Variants in AKR1C1 observed in about 807,000 individuals in gnomAD.
AKR1C1 encodes aldo-keto reductase family 1 member C1.
In AKR1C1, 32 loss-of-function variants were observed where a neutral mutation model predicts 40.6. The observed-to-expected ratio is 0.79, with a 90% CI of 0.60 to 1.06. AKR1C1 has a LOEUF of 1.06. Among genes scored for constraint, AKR1C1 ranks in the 50% least tolerant of loss-of-function variants. The probability of loss-of-function intolerance (pLI) is 0.00; values close to 1 mark genes in which losing one functional copy is unlikely to be tolerated. For synonymous variants in AKR1C1, 105 were observed against 134.2 expected, an observed-to-expected ratio of 0.78 and a Z score of 1.50; for missense variants, 320 against 363.5, an observed-to-expected ratio of 0.88 and a Z score of 0.97.
rs140966911 is a variant in AKR1C1, at chr10:4,966,996, T to C, written c.322T>C (p.Leu108=). ...ALERSLKNLQ[L]DYVDLYLIHF... is the part of the protein sequence containing the mutation. ...GGAAAGGTCACTGAAAAATCTTCAA[T>C]TGGATTATGTTGACCTCTACCTTAT... Residue 108 remains leucine (L), a synonymous_variant, in exon 3 of 9, where the codon TTG becomes CTG. Transcript: ENST00000380872. 2,906 of 1,613,908 alleles carry C rather than the reference T, an allele frequency of 1.8e-3. 24 individuals carry two copies. The African/African-American group carries it at 0.019, about 10-fold the overall frequency.
rs782661703 is a variant in AKR1C1 at position 4,981,099 on chromosome 10, C to G, written c.*3357C>G. On this transcript the variant is annotated 3_prime_UTR_variant, in exon 9 of 9. Coordinates refer to ENST00000380872, the MANE Select transcript of AKR1C1 (RefSeq NM_001353.6). ...TTAGGTACCTTGTCGATAGGCAGTTCTAATTTCAAAGAACTTTTTCTTTTG... is the reference window on the plus strand; with the variant it reads ...TTAGGTACCTTGTCGATAGGCAGTTGTAATTTCAAAGAACTTTTTCTTTTG... 3 of 152,088 alleles carry G rather than the reference C, an allele frequency of 2.0e-5. No homozygotes were observed. Among genetic ancestry groups the G allele is most frequent in the Admixed American group, 1.3e-4 (2 of 15,276 alleles). 9.4% of individuals were successfully genotyped at this position (152,088 alleles called of 1,614,324 possible).
chr10:4,973,655 G>T (rs1182324384), intron 7 of AKR1C1, among the ~76,000 whole-genome samples: 1 of 152,132 alleles, frequency 6.6e-6, no homozygotes, highest in Non-Finnish European at 1.5e-5. Flanking sequence ...ACCTCTTGTT[G>T]GAAGGAGCTG....
In AKR1C1 at chr10:4,966,136, G is replaced by T. The variant is rs556156942; in HGVS notation, c.252+55G>T. The T allele has an allele frequency of 2.4e-5, 38 of 1,569,500 alleles. No homozygotes were observed. The South Asian group carries it at 4.4e-4, about 18-fold the overall frequency. Reference sequence around the variant, plus strand: ...CATGTATTTATTGTGATTGTGTGGAGGTGGCAGTTCTATGACTGGATCCAT... The same window carrying T: ...CATGTATTTATTGTGATTGTGTGGATGTGGCAGTTCTATGACTGGATCCAT... On this transcript the variant is annotated intron_variant, in intron 2 of 8. Transcript: ENST00000380872.
chr10:4,981,428 A>G lies in AKR1C1; in HGVS notation c.*3686A>G, dbSNP rs1338352187. 1.3e-5 allele frequency: 2 copies of G among 152,230 alleles called. No individual in the cohort carries two copies. The highest frequency in any genetic ancestry group is 4.8e-5 in the African/African-American group (2 of 41,460). The allele number at this position is 152,230 out of a possible 1,614,324, so 9.4% of individuals were successfully genotyped here. On this transcript the variant is annotated 3_prime_UTR_variant, in exon 9 of 9. Coordinates refer to ENST00000380872, the MANE Select transcript of AKR1C1 (RefSeq NM_001353.6). Reference sequence around the variant, plus strand: ...CAGCAAAAGGTAACAGATGTCAACTATGAGATCTCATCAAGAACTAAGAAA... The same window carrying G: ...CAGCAAAAGGTAACAGATGTCAACTGTGAGATCTCATCAAGAACTAAGAAA...
At chr10:4,969,644 C>A (rs1836392577) in intron 5 of AKR1C1, 1 of 1,605,882 alleles carries the variant, frequency 6.2e-7, no homozygotes, top group African/African-American at 1.3e-5. Flanking sequence ...GCTGCTTAAA[C>A]ACATCTATTC....
chr10:4,969,866 A>AT, intron 5 of AKR1C1: 1 of 780,386 alleles, frequency 1.3e-6, no homozygotes, highest in Admixed American at 2.7e-5. Context: ...TACAGTGGAA[A>AT]TACATATGTA....
rs782504158 is a variant in AKR1C1 at position 4,972,279 on chromosome 10, A to G, written c.649A>G (p.Ser217Gly). 1.9e-6 allele frequency: 3 copies of G among 1,612,556 alleles called. No homozygotes were observed. The highest frequency in any genetic ancestry group is 2.5e-6 in the Non-Finnish European group (3 of 1,179,620). Residue 217 changes from serine (S) to glycine (G), a missense_variant, in exon 6 of 9, where the codon AGT (serine) becomes GGT (glycine). By Grantham distance (56) the Ser-to-Gly change is moderately conservative. Coordinates refer to ENST00000380872, the MANE Select transcript of AKR1C1 (RefSeq NM_001353.6). ...KSKDIVLVAY[S>G]ALGSHREEPW... ...AAAAGACATTGTTCTGGTTGCCTAT[A>G]GTGCTCTGGGATCCCACCGAGAAGA...
Position 4,972,242 on chromosome 10 carries a change from T to C in AKR1C1, c.612T>C (p.Asp204=). 2.5e-6 allele frequency: 4 copies of C among 1,613,820 alleles called. No homozygotes were observed. In the South Asian group the frequency reaches 4.4e-5, roughly 18 times the overall value. ...HPYFNQRKLL[D]FCKSKDIVLV... ...ACTTCAACCAGAGAAAACTGCTGGATTTCTGCAAGTCAAAAGACATTGTTC... is the reference window on the plus strand; with the variant it reads ...ACTTCAACCAGAGAAAACTGCTGGACTTCTGCAAGTCAAAAGACATTGTTC... The change falls in exon 6 of 9, where the codon GAT becomes GAC. Residue 204 remains aspartate, a synonymous_variant. Transcript: ENST00000380872.
chr10:4,981,890 T>TGGGA lies in AKR1C1; in HGVS notation c.*4148_*4149insGGGA. The TGGGA allele has an allele frequency of 6.6e-6, 1 of 152,380 alleles. No homozygotes were observed. The highest frequency in any genetic ancestry group is 1.5e-5 in the Non-Finnish European group (1 of 68,066). The allele number at this position is 152,380 out of a possible 1,614,324, so 9.4% of individuals were successfully genotyped here. The stretch of plus-strand genomic sequence containing the variant: ...AAGCCATGGTTATTATCTCAGCGTG[T>TGGGA]AAGCTGATGATCTGAGGCTGGTCAG... On this transcript the variant is annotated 3_prime_UTR_variant, in exon 9 of 9. Transcript: ENST00000380872.
chr10:4,968,116 G>C, intron 3 of AKR1C1, 193 bp from the exon 4 acceptor site: 1 of 1,080,864 alleles, frequency 9.3e-7, no homozygotes, highest in Non-Finnish European at 1.3e-6. Flanking sequence ...ATAGTTGTAA[G>C]AGATTAGAGG....
At position 4,972,312 on chromosome 10, in the gene AKR1C1, T is replaced by C. The variant is rs757191838; in HGVS notation, c.680+2T>C. Reference sequence around the variant, plus strand: ...GGGATCCCACCGAGAAGAACCATGGTAATAAGAGATACAGGAAGTTTACCT... The same window carrying C: ...GGGATCCCACCGAGAAGAACCATGGCAATAAGAGATACAGGAAGTTTACCT... On this transcript the variant is annotated splice_donor_variant, in intron 6 of 8. Coordinates refer to ENST00000380872, the MANE Select transcript of AKR1C1 (RefSeq NM_001353.6). LOFTEE classifies it high-confidence loss of function. 2.5e-6 allele frequency: 4 copies of C among 1,611,860 alleles called. No homozygotes were observed. The highest frequency in any genetic ancestry group is 3.4e-6 in the Non-Finnish European group (4 of 1,179,614).
chr10:4,968,975 T>C lies in AKR1C1; in HGVS notation c.570+31T>C, dbSNP rs377170050. 5.2e-5 allele frequency: 84 copies of C among 1,614,070 alleles called. No homozygotes were observed. In the African/African-American group the frequency reaches 1.1e-3, roughly 21 times the overall value. On this transcript the variant is annotated intron_variant, in intron 5 of 8. Transcript: ENST00000380872. ...CACCCTCAGCCTCCTCTCCTTTCTG[T>C]TCTTCATGCCCCTCTTTCTGTCCTA... is the stretch of plus-strand genomic sequence containing the variant.
rs376088616 is a variant in AKR1C1 at position 4,982,000 on chromosome 10, C to G, written c.*4258C>G. The G allele has an allele frequency of 6.6e-6, 1 of 152,240 alleles. No individual in the cohort carries two copies. The highest frequency in any genetic ancestry group is 2.1e-4 in the South Asian group (1 of 4,828). 9.4% of individuals were successfully genotyped at this position (152,240 alleles called of 1,614,324 possible). A position where few individuals can be genotyped will look rare whatever the true frequency, so the allele number is the denominator to read the frequency against. ...ATGAAAGGAATGAAAATAGCCTTGCCAACTGCATAGGTGCTGGGTGAGGCT... is the reference window on the plus strand; with the variant it reads ...ATGAAAGGAATGAAAATAGCCTTGCGAACTGCATAGGTGCTGGGTGAGGCT... On this transcript the variant is annotated 3_prime_UTR_variant, in exon 9 of 9. Transcript: ENST00000380872.
Position 4,981,299 on chromosome 10 carries a change from G to A in AKR1C1, c.*3557G>A, listed in dbSNP as rs1335880263. 3.9e-5 allele frequency: 6 copies of A among 152,214 alleles called. No homozygotes were observed. Among genetic ancestry groups the A allele is most frequent in the African/African-American group, 1.2e-4 (5 of 41,456 alleles). The allele number at this position is 152,214 out of a possible 1,614,324, so 9.4% of individuals were successfully genotyped here. On this transcript the variant is annotated 3_prime_UTR_variant, in exon 9 of 9. Transcript: ENST00000380872. ...GAATAGTAAATGAACATCATATGTTGTAATATAGTTAGCCAGGGAGGGGAA... is the reference window on the plus strand; with the variant it reads ...GAATAGTAAATGAACATCATATGTTATAATATAGTTAGCCAGGGAGGGGAA...
At position 4,972,675 on chromosome 10, in the gene AKR1C1, C is replaced by T. The variant is rs570906796; in HGVS notation, c.772C>T (p.Arg258Cys). Residue 258 changes from arginine to cysteine, a missense_variant, in exon 7 of 9, where the codon CGC becomes TGC. Arg to Cys is a radical substitution (Grantham distance 180, BLOSUM62 -3). Coordinates refer to ENST00000380872, the MANE Select transcript of AKR1C1 (RefSeq NM_001353.6). The stretch of plus-strand genomic sequence containing the variant: ...GCGAACCCCAGCCCTGATTGCCCTG[C>T]GCTACCAGCTACAGCGTGGGGTTGT... ...HKRTPALIAL[R>C]YQLQRGVVVL... 1.7e-5 allele frequency: 27 copies of T among 1,612,930 alleles called. No homozygotes were observed. Among genetic ancestry groups the T allele is most frequent in the African/African-American group, 2.7e-5 (2 of 75,028 alleles).
At position 4,981,091 on chromosome 10, in the gene AKR1C1, A is replaced by G. The variant is rs1269528498; in HGVS notation, c.*3349A>G. On this transcript the variant is annotated 3_prime_UTR_variant, in exon 9 of 9. Transcript: ENST00000380872. Reference sequence around the variant, plus strand: ...TTGGTTGATTAGGTACCTTGTCGATAGGCAGTTCTAATTTCAAAGAACTTT... The same window carrying G: ...TTGGTTGATTAGGTACCTTGTCGATGGGCAGTTCTAATTTCAAAGAACTTT... 6.6e-6 allele frequency: 1 copy of G among 151,966 alleles called. No homozygotes were observed. The highest frequency in any genetic ancestry group is 1.5e-5 in the Non-Finnish European group (1 of 67,878). 9.4% of individuals were successfully genotyped at this position (151,966 alleles called of 1,614,324 possible). A position where few individuals can be genotyped will look rare whatever the true frequency, so the allele number is the denominator to read the frequency against.
At position 4,977,942 on chromosome 10, in the gene AKR1C1, C is replaced by T; in HGVS notation, c.*200C>T. On this transcript the variant is annotated 3_prime_UTR_variant, in exon 9 of 9. Coordinates refer to ENST00000380872, the MANE Select transcript of AKR1C1 (RefSeq NM_001353.6). ...TTTTTCATTTTGAAAAAATTAAATG[C>T]TCTCTCCTAAAGATTCTTCACCTAC... 2.8e-6 allele frequency: 2 copies of T among 719,726 alleles called. No homozygotes were observed. Among genetic ancestry groups the T allele is most frequent in the South Asian group, 4.2e-5 (2 of 48,018 alleles). 44.6% of individuals were successfully genotyped at this position (719,726 alleles called of 1,614,324 possible). A position where few individuals can be genotyped will look rare whatever the true frequency, so the allele number is the denominator to read the frequency against.
rs1836397171 is a variant in AKR1C1, at chr10:4,969,932, T to C, written c.570+988T>C. ...GTGCTGTGATAATTTAATAAAAGCA[T>C]TGAGAAATTAATGTGGTTTTAATAC... On this transcript the variant is annotated intron_variant, in intron 5 of 8. Transcript: ENST00000380872. 9.9e-6 allele frequency: 5 copies of C among 506,722 alleles called. No individual in the cohort carries two copies. In the South Asian group the frequency reaches 1.1e-4, roughly 12 times the overall value. The allele number at this position is 506,722 out of a possible 1,614,324, so 31.4% of individuals were successfully genotyped here. A position where few individuals can be genotyped will look rare whatever the true frequency, so the allele number is the denominator to read the frequency against.
intron 1 of AKR1C1, chr10:4,965,680 T>A: frequency 2.2e-6 from 1 of 455,158 alleles, no homozygotes; most frequent in Non-Finnish European, 3.8e-6. Flanking sequence ...TTGGGGACAC[T>A]TCCAAACTAG....
Sources: allele counts gnomAD v4.1 joint callset (sites outside exome capture counted in the v4.1 genomes callset), GRCh38; gene constraint gnomAD v4.1.1; transcripts MANE v1.5; gene names NCBI Gene and HGNC (gene_info 2026-07-23, HGNC 2026-07-21).